RAPGEF5: variants seen among roughly 807,000 people sequenced by gnomAD.
RAPGEF5 encodes M-Ras-regulated GEF.
Under a neutral mutation model 125.2 loss-of-function variants are expected in RAPGEF5, and 65 were observed. The ratio of observed to expected loss-of-function variants is 0.52; its 90% CI spans 0.43 to 0.64. RAPGEF5 has a LOEUF of 0.64. Among genes scored for constraint, RAPGEF5 ranks in the 30% least tolerant of loss-of-function variants. The probability of loss-of-function intolerance (pLI) is 0.00; values close to 1 mark genes in which losing one functional copy is unlikely to be tolerated. For synonymous variants in RAPGEF5, 391 were observed against 385.9 expected, an observed-to-expected ratio of 1.01 and a Z score of -0.16; for missense variants, 958 against 1,048.1, an observed-to-expected ratio of 0.91 and a Z score of 1.19.
At chr7:22,189,359 A>G (rs985359946) in intron 11 of RAPGEF5, among the ~76,000 whole-genome samples, 3 of 152,220 alleles carry the variant, frequency 2.0e-5, no homozygotes, top group Non-Finnish European at 4.4e-5. Flanking sequence ...ATCATCGTTC[A>G]CTACAGAAGT....
intron 9 of RAPGEF5, among the ~76,000 whole-genome samples, chr7:22,218,877 T>TA (rs1342544919): frequency 6.6e-6 from 1 of 152,218 alleles, no homozygotes; most frequent in Non-Finnish European, 1.5e-5. Context: ...CACCAACTGT[T>TA]ACAATTCGAT....
intron 25 of RAPGEF5, among the ~76,000 whole-genome samples, chr7:22,122,866 T>G (rs1782623592): frequency 6.6e-6 from 1 of 152,194 alleles, no homozygotes; most frequent in Non-Finnish European, 1.5e-5. Flanking sequence ...GGACAGATGG[T>G]TCCTGAGCCC....
At chr7:22,252,878 T>C (rs151195167) in intron 7 of RAPGEF5, among the ~76,000 whole-genome samples, 122 of 152,310 alleles carry the variant, frequency 8.0e-4, no homozygotes, top group Middle Eastern at 3.4e-3. Context: ...GAATTTTACA[T>C]TTTCAAATAT....
intron 11 of RAPGEF5, among the ~76,000 whole-genome samples, chr7:22,167,957 T>C (rs1784224072): frequency 6.6e-6 from 1 of 152,206 alleles, no homozygotes; most frequent in South Asian, 2.1e-4. Context: ...AAAGTGGTGA[T>C]TTTGCCACAA....
Position 22,266,585 on chromosome 7 carries a change from A to G in RAPGEF5, c.796+379T>C, listed in dbSNP as rs540889666. Among the ~76,000 whole-genome samples the G allele has an allele frequency of 1.0e-3, 158 of 152,292 alleles. 1 individual carries two copies. The highest frequency in any genetic ancestry group is 2.4e-3 in the Admixed American group (36 of 15,288). ...TTGAGATTTTTTTAAAGCCTTATAA[A>G]AAAGACCACCTCTATAGTACCCATT... On this transcript the variant is annotated intron_variant, in intron 7 of 25. Coordinates refer to ENST00000665637, the MANE Select transcript of RAPGEF5 (RefSeq NM_012294.5).
Position 22,125,532 on chromosome 7 carries a change from C to T in RAPGEF5, c.2536+72G>A. ...TCAATCTGTTTAAATTGATTACCAC[C>T]CAATACTTGTGACCACAGTTGGTAC... On this transcript the variant is annotated intron_variant, in intron 25 of 25. Transcript: ENST00000665637. 3.6e-6 allele frequency: 5 copies of T among 1,397,558 alleles called. No individual in the cohort carries two copies. In the South Asian group the frequency reaches 4.6e-5, roughly 13 times the overall value. The allele number at this position is 1,397,558 out of a possible 1,614,324, so 86.6% of individuals were successfully genotyped here.
Position 22,140,124 on chromosome 7 carries a change from TAA to T in RAPGEF5, c.2187-11_2187-10del. ...TTCTCTGGGCTTTGCAGCTATAAAATAAAAGAGAGTAGAGGACACTTTGAGGA... is the reference window on the plus strand; with the variant it reads ...TTCTCTGGGCTTTGCAGCTATAAAATAAGAGAGTAGAGGACACTTTGAGGA... On this transcript the variant is annotated splice_polypyrimidine_tract_variant and intron_variant, in intron 20 of 25. Transcript: ENST00000665637. 1 of 1,547,160 alleles carries T rather than the reference TAA, an allele frequency of 6.5e-7. No individual in the cohort carries two copies.
rs1247131595 is a variant in RAPGEF5, at chr7:22,345,508, T to C, written c.231+11322A>G. On this transcript the variant is annotated intron_variant, in intron 1 of 25. Transcript: ENST00000665637. ...GCATATAGAAAAGCTCAGTAACTTTTGAGTCTATTAAAAAAAAGACTTTAT... is the reference window on the plus strand; with the variant it reads ...GCATATAGAAAAGCTCAGTAACTTTCGAGTCTATTAAAAAAAAGACTTTAT... 2.0e-5 allele frequency among the ~76,000 whole-genome samples: 3 copies of C among 152,142 alleles called. No individual in the cohort carries two copies. The East Asian group carries it at 5.8e-4, about 29-fold the overall frequency.
chr7:22,207,615 G>A (rs912762748), intron 9 of RAPGEF5, among the ~76,000 whole-genome samples: 1 of 152,160 alleles, frequency 6.6e-6, no homozygotes. Flanking sequence ...ACAGAAATGT[G>A]CTATAAATTC....
At chr7:22,174,448 A>T (rs1173753102) in intron 11 of RAPGEF5, among the ~76,000 whole-genome samples, 1 of 152,176 alleles carries the variant, frequency 6.6e-6, no homozygotes, top group Admixed American at 6.6e-5. Flanking sequence ...TCCTATGGCA[A>T]CCATGTTTAG....
At position 22,263,767 on chromosome 7, in the gene RAPGEF5, GA is replaced by G. The variant is rs1316975906; in HGVS notation, c.796+3196del. On this transcript the variant is annotated intron_variant, in intron 7 of 25. Coordinates refer to ENST00000665637, the MANE Select transcript of RAPGEF5 (RefSeq NM_012294.5). ...AACAAAAAAAAAGAAAAAGAAAAAA[GA>G]AAAAAATAATTGGAAATAGCCAAAA... Among the ~76,000 whole-genome samples, 15 of 149,880 alleles carry G rather than the reference GA, an allele frequency of 1.0e-4. No individual in the cohort carries two copies. The East Asian group carries it at 2.9e-3, about 29-fold the overall frequency.
chr7:22,290,175 A>T (rs1056374765), intron 6 of RAPGEF5, among the ~76,000 whole-genome samples: 1 of 152,250 alleles, frequency 6.6e-6, no homozygotes, highest in East Asian at 1.9e-4. Context: ...AAAACTCTGT[A>T]CAGACCAGTT....
At chr7:22,321,907 C>G (rs1196806259) in intron 1 of RAPGEF5, among the ~76,000 whole-genome samples, 1 of 152,116 alleles carries the variant, frequency 6.6e-6, no homozygotes, top group Non-Finnish European at 1.5e-5. Context: ...CTTCTTCAGC[C>G]CCCAAATAAA....
chr7:22,311,841 CTAAT>C (rs1783478062), intron 3 of RAPGEF5, among the ~76,000 whole-genome samples: 1 of 152,206 alleles, frequency 6.6e-6, no homozygotes, highest in African/African-American at 2.4e-5. Context: ...TGTTAATTAA[CTAAT>C]TAATTCCTCA....
rs1434524340 is a variant in RAPGEF5, at chr7:22,315,396, G to C, written c.363C>G (p.Asp121Glu). Residue 121 changes from aspartate to glutamate, a missense_variant, in exon 3 of 26, where the codon GAC (aspartate) becomes GAG (glutamate). Physicochemically the swap from Asp to Glu is conservative, Grantham distance 45. Transcript: ENST00000665637. ...IIVQAADLIK[D>E]RVNLKGFYRR... The stretch of plus-strand genomic sequence containing the variant: ...TGTAAAACCCCTTGAGGTTCACTCT[G>C]TCCTTTATCAGGTCAGCTGCTTGAA... The C allele has an allele frequency of 1.9e-6, 3 of 1,539,772 alleles. No homozygotes were observed. Among genetic ancestry groups the C allele is most frequent in the African/African-American group, 2.8e-5 (2 of 71,992 alleles).
chr7:22,243,727 C>A (rs1786400676), intron 7 of RAPGEF5, among the ~76,000 whole-genome samples: 1 of 152,154 alleles, frequency 6.6e-6, no homozygotes, highest in African/African-American at 2.4e-5. Context: ...GTCAAGTGAT[C>A]ATATCAAACT....
At chr7:22,241,856 A>G (rs985679165) in intron 7 of RAPGEF5, among the ~76,000 whole-genome samples, 11 of 152,196 alleles carry the variant, frequency 7.2e-5, no homozygotes, top group Non-Finnish European at 1.6e-4. Context: ...CTTTGTGGCA[A>G]GACAACAGAC....
intron 1 of RAPGEF5, among the ~76,000 whole-genome samples, chr7:22,331,314 G>A (rs963890927): frequency 1.4e-4 from 22 of 152,212 alleles, no homozygotes; most frequent in African/African-American, 4.3e-4. Context: ...AAAATGGAAT[G>A]ATTGAATCTT....
chr7:22,339,042 C>A (rs747520536), intron 1 of RAPGEF5, among the ~76,000 whole-genome samples: 15 of 152,156 alleles, frequency 9.9e-5, no homozygotes, highest in African/African-American at 9.7e-5. Context: ...CTCAAGCATG[C>A]GCACTAAGAG....
Sources: allele counts gnomAD v4.1 joint callset (sites outside exome capture counted in the v4.1 genomes callset), GRCh38; gene constraint gnomAD v4.1.1; transcripts MANE v1.5; gene names NCBI Gene and HGNC (gene_info 2026-07-23, HGNC 2026-07-21).